MPRIP: variants seen among roughly 807,000 people sequenced by gnomAD.
The protein encoded by MPRIP is myosin phosphatase Rho interacting protein, also known as myosin phosphatase Rho-interacting protein.
In MPRIP, 59 loss-of-function variants were observed where a neutral mutation model predicts 234.9. The ratio of observed to expected loss-of-function variants is 0.25; its 90% confidence interval spans 0.20 to 0.31. MPRIP has a LOEUF of 0.31. MPRIP is among the 10% of genes least tolerant of loss of function. The probability of loss-of-function intolerance (pLI) is 1.00; values close to 1 mark genes in which losing one functional copy is unlikely to be tolerated. For synonymous variants in MPRIP, 1,144 were observed against 1,263.9 expected (o/e 0.91, Z 2.01); for missense variants, 2,436 against 3,071.0 (o/e 0.79, Z 4.89).
intron 10 of MPRIP, 133 bp from the exon 11 acceptor site, chr17:17,147,186 G>T: frequency 1.2e-6 from 1 of 805,806 alleles, no homozygotes; most frequent in Non-Finnish European, 2.1e-6. Flanking sequence ...TGTCAAGGGA[G>T]GGGCCAGCCT....
At chr17:17,065,381 AT>A (rs59705934) in intron 1 of MPRIP, among the ~76,000 whole-genome samples, 63,995 of 111,672 alleles carry the variant, frequency 0.57, 15,404 homozygotes, top group East Asian at 0.72. Flanking sequence ...GCTTGAGATG[AT>A]TTTTTTTTTT....
At chr17:17,173,662 C>G in intron 18 of MPRIP, 2 of 624,050 alleles carry the variant, frequency 3.2e-6, no homozygotes, top group South Asian at 3.4e-5. Context: ...TGGCTGCAGA[C>G]TGGACTCTGT....
At chr17:17,100,072 T>C (rs1197864955) in intron 3 of MPRIP, among the ~76,000 whole-genome samples, 2 of 152,162 alleles carry the variant, frequency 1.3e-5, no homozygotes, top group East Asian at 3.9e-4. Context: ...TTGGAGGTCC[T>C]TTGGTGGCTC....
chr17:17,045,973 T>C (rs1040138603), intron 1 of MPRIP, among the ~76,000 whole-genome samples: 1 of 152,070 alleles, frequency 6.6e-6, no homozygotes, highest in Non-Finnish European at 1.5e-5. Context: ...GCCTGGCTAA[T>C]TTTTTGTATT....
At chr17:17,154,155 A>G in intron 12 of MPRIP, 151 bp from the exon 13 acceptor site, 1 of 632,434 alleles carries the variant, frequency 1.6e-6, no homozygotes, top group South Asian at 1.9e-5. Context: ...ATGTCCCAGT[A>G]GTGGGCACAT....
intron 3 of MPRIP, among the ~76,000 whole-genome samples, chr17:17,120,787 G>T (rs1200726782): frequency 1.3e-5 from 2 of 152,234 alleles, no homozygotes; most frequent in African/African-American, 2.4e-5. Flanking sequence ...AGGGCAGGAA[G>T]CTCATCAGAG....
At position 17,136,224 on chromosome 17, in the gene MPRIP, T is replaced by C. The variant is rs1376975993; in HGVS notation, c.510T>C (p.Pro170=). The C allele has an allele frequency of 3.1e-6, 5 of 1,612,940 alleles. No individual in the cohort carries two copies. In the African/African-American group the frequency reaches 5.4e-5, roughly 17 times the overall value. The part of the protein sequence containing the change: ...RKVEPPTPQE[P]GPAKVAVTSS... ...ACCACTTTCTCCTCCTCCAGGAGCC[T>C]GGGCCTGCCAAGGTGGCTGTTACCA... Residue 170 remains proline (P), a synonymous_variant, in exon 6 of 24, where the codon CCT becomes CCC. Coordinates refer to ENST00000651222, the MANE Select transcript of MPRIP (RefSeq NM_001364716.4).
At chr17:17,113,448 A>G (rs146689854) in intron 3 of MPRIP, among the ~76,000 whole-genome samples, 108 of 152,346 alleles carry the variant, frequency 7.1e-4, no homozygotes, top group African/African-American at 2.4e-3. Flanking sequence ...TTCAAGATTC[A>G]TCCATAGTAT....
chr17:17,080,379 C>G (rs569625088), intron 3 of MPRIP, among the ~76,000 whole-genome samples: 1 of 152,340 alleles, frequency 6.6e-6, no homozygotes, highest in African/African-American at 2.4e-5. Context: ...GGTCAACCGC[C>G]CTGAGCTGAG....
Position 17,185,364 on chromosome 17 carries a change from T to A in MPRIP, c.*470T>A. On this transcript the variant is annotated 3_prime_UTR_variant, in exon 24 of 24. Coordinates refer to ENST00000651222, the MANE Select transcript of MPRIP (RefSeq NM_001364716.4). ...TGGCCTGGGTCACAGCACTGACTCC[T>A]CACCCGCTAGTCTGGCTGTTAAGAG... 1 of 389,698 alleles carries A rather than the reference T, an allele frequency of 2.6e-6. No individual in the cohort carries two copies. The allele number at this position is 389,698 out of a possible 1,614,324, so 24.1% of individuals were successfully genotyped here. A position where few individuals can be genotyped will look rare whatever the true frequency, so the allele number is the denominator to read the frequency against.
At chr17:17,082,853 A>G (rs906140364) in intron 3 of MPRIP, among the ~76,000 whole-genome samples, 5 of 152,174 alleles carry the variant, frequency 3.3e-5, no homozygotes, top group Admixed American at 6.5e-5. Context: ...CATAAATGGG[A>G]TCATGCAGTG....
Position 17,136,513 on chromosome 17 carries a change from C to T in MPRIP, c.736+63C>T, listed in dbSNP as rs1052247272. 3.4e-6 allele frequency: 5 copies of T among 1,491,618 alleles called. No homozygotes were observed. In the African/African-American group the frequency reaches 6.9e-5, roughly 21 times the overall value. 92.4% of individuals were successfully genotyped at this position (1,491,618 alleles called of 1,614,324 possible). A position where few individuals can be genotyped will look rare whatever the true frequency, so the allele number is the denominator to read the frequency against. On this transcript the variant is annotated intron_variant, in intron 6 of 23. Coordinates refer to ENST00000651222, the MANE Select transcript of MPRIP (RefSeq NM_001364716.4). The stretch of plus-strand genomic sequence containing the variant: ...GGCCCTCCCTCCCATCAGAGCTGGC[C>T]CTGGGGATTCAGCCAAGGCCTGTAG...
chr17:17,117,317 G>C (rs1248471507), intron 3 of MPRIP, among the ~76,000 whole-genome samples: 1 of 152,220 alleles, frequency 6.6e-6, no homozygotes, highest in Admixed American at 6.5e-5. Context: ...GAAGGGGGTA[G>C]ATTATCACCC....
rs2046571467 is a variant in MPRIP, at chr17:17,190,790, C to T, written c.*5896C>T. ...GTCCGAGTCCTTAGGTGTTCGGATGCAGTACTTTGTGAATACTTAAGCTAC... is the reference window on the plus strand; with the variant it reads ...GTCCGAGTCCTTAGGTGTTCGGATGTAGTACTTTGTGAATACTTAAGCTAC... On this transcript the variant is annotated 3_prime_UTR_variant, in exon 24 of 24. Transcript: ENST00000651222. 6.6e-6 allele frequency: 1 copy of T among 152,144 alleles called. No homozygotes were observed. Among genetic ancestry groups the T allele is most frequent in the Admixed American group, 6.5e-5 (1 of 15,268 alleles). The allele number at this position is 152,144 out of a possible 1,614,324, so 9.4% of individuals were successfully genotyped here.
At chr17:17,151,380 T>C (rs1017741607) in intron 12 of MPRIP, among the ~76,000 whole-genome samples, 2 of 152,144 alleles carry the variant, frequency 1.3e-5, no homozygotes, top group African/African-American at 4.8e-5. Flanking sequence ...TGCCAAAAGT[T>C]TCTGCATCCT....
At chr17:17,083,261 G>T (rs533132973) in intron 3 of MPRIP, among the ~76,000 whole-genome samples, 1 of 152,216 alleles carries the variant, frequency 6.6e-6, no homozygotes, top group African/African-American at 2.4e-5. Flanking sequence ...TGTCAGTCCC[G>T]TAAGATGTGA....
At chr17:17,057,617 A>G (rs995407947) in intron 1 of MPRIP, 2 of 718,022 alleles carry the variant, frequency 2.8e-6, no homozygotes, top group African/African-American at 3.5e-5. Context: ...CCAGTTTTCA[A>G]CCTTTATTTC....
At chr17:17,083,134 C>T (rs2089504813) in intron 3 of MPRIP, among the ~76,000 whole-genome samples, 2 of 152,248 alleles carry the variant, frequency 1.3e-5, no homozygotes, top group Non-Finnish European at 2.9e-5. Flanking sequence ...TGAGAGCTGC[C>T]TGACTGTGTA....
At chr17:17,128,485 C>T (rs568388623) in intron 4 of MPRIP, among the ~76,000 whole-genome samples, 13 of 152,302 alleles carry the variant, frequency 8.5e-5, no homozygotes, top group Admixed American at 8.5e-4. Flanking sequence ...CACTTCTCTG[C>T]TCTCTTCTGT....
Sources: gnomAD v4.1 joint callset for allele counts (sites outside exome capture counted in the v4.1 genomes callset) on GRCh38, gnomAD v4.1.1 for gene constraint, MANE v1.5 for transcripts, NCBI Gene and HGNC (gene_info 2026-07-23, HGNC 2026-07-21) for gene names.